MON2: variants seen among roughly 807,000 people sequenced by gnomAD.
MON2 encodes protein MON2 homolog.
In MON2, 84 loss-of-function variants were observed where a neutral mutation model predicts 208.6. The ratio of observed to expected loss-of-function variants is 0.40; its 90% confidence interval spans 0.34 to 0.48. The LOEUF is 0.48. Among genes scored for constraint, MON2 ranks in the 20% least tolerant of loss-of-function variants. The probability of loss-of-function intolerance (pLI) is 0.59; values close to 1 mark genes in which losing one functional copy is unlikely to be tolerated. For synonymous variants in MON2, 660 were observed against 694.0 expected, an observed-to-expected ratio of 0.95 and a Z score of 0.77; for missense variants, 1,611 against 2,015.4, an observed-to-expected ratio of 0.80 and a Z score of 3.84.
Position 62,500,847 on chromosome 12 carries a change from A to G in MON2, c.630A>G (p.Lys210=). The change falls in exon 6 of 35, where the codon AAA becomes AAG. Residue 210 remains lysine (K), a synonymous_variant. Transcript: ENST00000393630. ...ACAGAAGATCTGTCAGTACCCTCAA[A>G]CCTTGTGCTAAAGATGCATATATGC... ...NSNRRSVSTL[K]PCAKDAYMLF... 1.3e-6 allele frequency: 2 copies of G among 1,589,910 alleles called. No homozygotes were observed. The highest frequency in any genetic ancestry group is 1.7e-6 in the Non-Finnish European group (2 of 1,168,588).
At chr12:62,481,885 G>A (rs1317727598) in intron 1 of MON2, among the ~76,000 whole-genome samples, 1 of 152,148 alleles carries the variant, frequency 6.6e-6, no homozygotes, top group Non-Finnish European at 1.5e-5. Flanking sequence ...AGGCTGGATG[G>A]AGCCAGCCCT....
intron 19 of MON2, among the ~76,000 whole-genome samples, chr12:62,540,253 A>G (rs1303290697): frequency 6.6e-6 from 1 of 152,168 alleles, no homozygotes; most frequent in Non-Finnish European, 1.5e-5. Flanking sequence ...TTCAAAGAGT[A>G]TATAAGCTAC....
chr12:62,494,173 T>C (rs1366026792), intron 3 of MON2, 131 bp downstream of exon 3: 1 of 789,014 alleles, frequency 1.3e-6, no homozygotes, highest in African/African-American at 1.7e-5. Flanking sequence ...AAAATGGCTT[T>C]ATTTAAAAAT....
intron 1 of MON2, among the ~76,000 whole-genome samples, chr12:62,472,731 C>A (rs887213467): frequency 6.6e-6 from 1 of 152,190 alleles, no homozygotes; most frequent in South Asian, 2.1e-4. Flanking sequence ...CTCATTTGCA[C>A]GACCTTATGA....
At chr12:62,588,251 T>G (rs558622929) in intron 34 of MON2, 95 bp downstream of exon 34, 1 of 789,782 alleles carries the variant, frequency 1.3e-6, no homozygotes, top group East Asian at 2.9e-5. Flanking sequence ...TATAGGAACA[T>G]AGCAGTCATT....
At position 62,538,319 on chromosome 12, in the gene MON2, G is replaced by A; in HGVS notation, c.2267G>A (p.Ser756Asn). The change falls in exon 18 of 35, where the codon AGC becomes AAC. Residue 756 changes from serine (S) to asparagine (N), a missense_variant. By Grantham distance (46) the Ser-to-Asn change is conservative. Coordinates refer to ENST00000393630, the MANE Select transcript of MON2 (RefSeq NM_015026.3). ...ISNILSRLFESSQYLDDVSLH... is the reference protein window; with the variant it reads ...ISNILSRLFENSQYLDDVSLH... ...AATATACTTTCAAGATTGTTTGAAAGCTCACAGTAAGAGTCAGTTTTTTTA... is the reference window on the plus strand; with the variant it reads ...AATATACTTTCAAGATTGTTTGAAAACTCACAGTAAGAGTCAGTTTTTTTA... 2 of 1,612,350 alleles carry A rather than the reference G, an allele frequency of 1.2e-6. No individual in the cohort carries two copies. The highest frequency in any genetic ancestry group is 1.7e-6 in the Non-Finnish European group (2 of 1,178,510).
At chr12:62,523,184 GTCTT>G (rs771348574) in intron 8 of MON2, among the ~76,000 whole-genome samples, 3 of 152,134 alleles carry the variant, frequency 2.0e-5, no homozygotes, top group Non-Finnish European at 2.9e-5. Flanking sequence ...ACTAGCATGG[GTCTT>G]TCTTTCTCAG....
rs749899206 is a variant in MON2, at chr12:62,524,595, G to A, written c.1065G>A (p.Ala355=). Residue 355 remains alanine, a synonymous_variant, in exon 9 of 35, where the codon GCG becomes GCA. Transcript: ENST00000393630. ...ADKPQWLRAV[A]VESIHRFCVQ... Reference sequence around the variant, plus strand: ...AACCACAGTGGCTACGAGCTGTTGCGGTGGAATCAATACACAGATTCTGTG... The same window carrying A: ...AACCACAGTGGCTACGAGCTGTTGCAGTGGAATCAATACACAGATTCTGTG... The A allele has an allele frequency of 5.0e-6, 8 of 1,613,286 alleles. No individual in the cohort carries two copies. Among genetic ancestry groups the A allele is most frequent in the African/African-American group, 2.7e-5 (2 of 74,894 alleles).
chr12:62,478,249 A>G (rs2135975212), intron 1 of MON2, among the ~76,000 whole-genome samples: 1 of 152,322 alleles, frequency 6.6e-6, no homozygotes, highest in South Asian at 2.1e-4. Context: ...GGGATAGACA[A>G]TAATATAGAG....
chr12:62,560,422 A>G (rs931776344), intron 25 of MON2, 69 bp from the exon 26 acceptor site: 11 of 1,438,658 alleles, frequency 7.6e-6, no homozygotes, highest in African/African-American at 1.4e-5. Context: ...TATGCTTTCA[A>G]GTGTCTAATA....
intron 25 of MON2, among the ~76,000 whole-genome samples, chr12:62,559,708 G>A (rs957415799): frequency 1.3e-5 from 2 of 151,594 alleles, no homozygotes; most frequent in African/African-American, 4.9e-5. Context: ...AATCACTTGA[G>A]CTCAGTGAGC....
chr12:62,502,689 T>C (rs1343191361), intron 7 of MON2, among the ~76,000 whole-genome samples: 1 of 152,196 alleles, frequency 6.6e-6, no homozygotes, highest in Non-Finnish European at 1.5e-5. Flanking sequence ...TGTTTTCACA[T>C]AACTTAAATG....
intron 12 of MON2, among the ~76,000 whole-genome samples, chr12:62,534,542 A>AATATATATAT (rs71882879): frequency 2.4e-3 from 55 of 22,818 alleles, no homozygotes; most frequent in Non-Finnish European, 2.7e-3. Flanking sequence ...AAAAAAAAAA[A>AATATATATAT]ATATATATAT....
At chr12:62,535,398 G>A (rs1227686163) in intron 13 of MON2, 127 bp from the exon 14 acceptor site, 8 of 721,904 alleles carry the variant, frequency 1.1e-5, no homozygotes, top group Non-Finnish European at 1.7e-5. Flanking sequence ...TAAGTATATT[G>A]GTAATATTTT....
At chr12:62,492,808 G>A (rs946645804) in intron 2 of MON2, among the ~76,000 whole-genome samples, 4 of 150,826 alleles carry the variant, frequency 2.7e-5, no homozygotes, top group Non-Finnish European at 5.9e-5. Flanking sequence ...GTGAAACCCC[G>A]TCTCTACTAA....
At chr12:62,524,756 A>G (rs772776498) in intron 9 of MON2, 117 bp downstream of exon 9, 1 of 1,032,660 alleles carries the variant, frequency 9.7e-7, no homozygotes, top group Non-Finnish European at 1.4e-6. Context: ...TCCCAATATT[A>G]GTGATTTCTA....
chr12:62,520,944 A>G (rs751016735), intron 8 of MON2, among the ~76,000 whole-genome samples: 80 of 149,530 alleles, frequency 5.4e-4, no homozygotes, highest in Middle Eastern at 3.5e-3. Flanking sequence ...CAGATTTAAC[A>G]AAATCAATCT....
At chr12:62,491,350 C>T (rs940694024) in intron 2 of MON2, among the ~76,000 whole-genome samples, 1 of 152,116 alleles carries the variant, frequency 6.6e-6, no homozygotes, top group Non-Finnish European at 1.5e-5. Flanking sequence ...AAGAAAAATT[C>T]TAAGTGATTA....
chr12:62,561,810 G>A (rs192997597), intron 26 of MON2, among the ~76,000 whole-genome samples: 1 of 152,224 alleles, frequency 6.6e-6, no homozygotes, highest in African/African-American at 2.4e-5. Flanking sequence ...TAATAAGATT[G>A]GAGTAGATCT....
Sources: gnomAD v4.1 joint callset for allele counts (sites outside exome capture counted in the v4.1 genomes callset) on GRCh38, gnomAD v4.1.1 for gene constraint, MANE v1.5 for transcripts, NCBI Gene and HGNC (gene_info 2026-07-23, HGNC 2026-07-21) for gene names.